The following SLC36A2 variants were observed in gnomAD, a reference collection of about 807,000 sequenced individuals.
The protein encoded by SLC36A2 is solute carrier family 36 member 2, also known as proton-coupled amino acid transporter 2.
In SLC36A2, 39 loss-of-function variants were observed where a neutral mutation model predicts 42.7. The observed-to-expected ratio is 0.91, with a 90% CI of 0.71 to 1.19. SLC36A2 has a LOEUF of 1.19. Ranked by LOEUF, SLC36A2 falls within the 50% of genes most tolerant of loss-of-function variation. SLC36A2 has a pLI of 0.00. For synonymous variants in SLC36A2, 237 were observed against 240.8 expected (o/e 0.98, Z 0.15); for missense variants, 590 against 613.7 (o/e 0.96, Z 0.41).
intron 1 of SLC36A2, among the ~76,000 whole-genome samples, chr5:151,347,076 C>T (rs1756516159): frequency 6.6e-6 from 1 of 152,212 alleles, no homozygotes; most frequent in Admixed American, 6.5e-5. Context: ...TCAGTTTCCC[C>T]ACCTGTGCCT....
At chr5:151,327,067 G>A (rs189764371) in intron 7 of SLC36A2, among the ~76,000 whole-genome samples, 3 of 152,082 alleles carry the variant, frequency 2.0e-5, no homozygotes, top group East Asian at 3.9e-4. Context: ...CTCCCACATC[G>A]GCCTCCCAAA....
intron 9 of SLC36A2, among the ~76,000 whole-genome samples, chr5:151,317,587 G>A (rs1486877642): frequency 6.6e-6 from 1 of 151,988 alleles, no homozygotes; most frequent in Non-Finnish European, 1.5e-5. Flanking sequence ...TAAAAATTCA[G>A]CCAGGCATAG....
chr5:151,343,081 A>G (rs1561662472), intron 3 of SLC36A2, 98 bp from the exon 4 acceptor site: 1 of 932,096 alleles, frequency 1.1e-6, no homozygotes, highest in Non-Finnish European at 1.7e-6. Flanking sequence ...GGACACAGCT[A>G]AAGAGCAGAA....
Position 151,317,057 on chromosome 5 carries a change from G to A in SLC36A2, c.1212C>T (p.Asp404=). ...CLLAILIPRL[D]LVISLVGSVS... ...CGGAGCCCACCAGGGAGATGACCAG[G>A]TCCAGGCGGGGGATGAGGATGGCCA... Residue 404 remains aspartate (D), a synonymous_variant, in exon 10 of 10, where the codon GAC becomes GAT. Coordinates refer to ENST00000335244, the MANE Select transcript of SLC36A2 (RefSeq NM_181776.3). 6.2e-7 allele frequency: 1 copy of A among 1,614,144 alleles called. No individual in the cohort carries two copies. Among genetic ancestry groups the A allele is most frequent in the Non-Finnish European group, 8.5e-7 (1 of 1,180,024 alleles).
chr5:151,334,851 C>T (rs1756101598), intron 6 of SLC36A2, among the ~76,000 whole-genome samples: 1 of 151,702 alleles, frequency 6.6e-6, no homozygotes, highest in Admixed American at 6.6e-5. Context: ...AGTAACAAGA[C>T]ACTTATTGAA....
intron 8 of SLC36A2, among the ~76,000 whole-genome samples, chr5:151,324,958 C>T (rs573574256): frequency 2.4e-3 from 364 of 152,312 alleles, no homozygotes; most frequent in African/African-American, 8.6e-3. Context: ...GTGGCCACCT[C>T]CCGACTCCTC....
chr5:151,323,797 A>C (rs760290449), intron 8 of SLC36A2, among the ~76,000 whole-genome samples: 1 of 152,218 alleles, frequency 6.6e-6, no homozygotes, highest in Non-Finnish European at 1.5e-5. Flanking sequence ...CGGCGAAGAT[A>C]GTGAACCTCC....
chr5:151,343,808 A>T (rs1315819479), intron 2 of SLC36A2, among the ~76,000 whole-genome samples: 1 of 152,160 alleles, frequency 6.6e-6, no homozygotes, highest in Admixed American at 6.5e-5. Flanking sequence ...AGCAATTACA[A>T]TGGGGTATAC....
chr5:151,340,789 G>A (rs954330443), intron 4 of SLC36A2, among the ~76,000 whole-genome samples: 1 of 152,182 alleles, frequency 6.6e-6, no homozygotes, highest in Non-Finnish European at 1.5e-5. Context: ...GGTGGCCTGT[G>A]AAAGAGGTGT....
chr5:151,340,069 A>C (rs1280699028), intron 4 of SLC36A2, among the ~76,000 whole-genome samples: 1 of 151,892 alleles, frequency 6.6e-6, no homozygotes, highest in Non-Finnish European at 1.5e-5. Context: ...AGAGAGAGAA[A>C]AAGAAGAAAA....
chr5:151,336,479 T>C (rs1223714337), intron 5 of SLC36A2, among the ~76,000 whole-genome samples: 3 of 135,354 alleles, frequency 2.2e-5, no homozygotes, highest in Admixed American at 2.1e-4. Context: ...TTTTTTTTTT[T>C]TGCGTATAAT....
chr5:151,334,563 T>C (rs914629613), intron 6 of SLC36A2, among the ~76,000 whole-genome samples: 4 of 152,038 alleles, frequency 2.6e-5, no homozygotes, highest in Non-Finnish European at 5.9e-5. Context: ...TGGTGGCTGG[T>C]GCCTGTAGTC....
At position 151,316,865 on chromosome 5, in the gene SLC36A2, C is replaced by A; in HGVS notation, c.1404G>T (p.Lys468Asn). 6.2e-7 allele frequency: 1 copy of A among 1,613,578 alleles called. No homozygotes were observed. The highest frequency in any genetic ancestry group is 1.1e-5 in the South Asian group (1 of 91,058). Residue 468 changes from lysine to asparagine, a missense_variant, in exon 10 of 10, where the codon AAG becomes AAT. Coordinates refer to ENST00000335244, the MANE Select transcript of SLC36A2 (RefSeq NM_181776.3). ...TGGAAAAGGGGTGAGAGTCTTCTGA[C>A]TTGAGCAGCTCGTCCAGGGCCTGGT... is the stretch of plus-strand genomic sequence containing the variant. ...GTYQALDELLKSEDSHPFSNS... is the reference protein window; with the variant it reads ...GTYQALDELLNSEDSHPFSNS...
rs1238042366 is a variant in SLC36A2, at chr5:151,332,563, A to G, written c.843+661T>C. 9 of 385,094 alleles carry G rather than the reference A, an allele frequency of 2.3e-5. No individual in the cohort carries two copies. In the East Asian group the frequency reaches 6.0e-4, roughly 26 times the overall value. 23.9% of individuals were successfully genotyped at this position (385,094 alleles called of 1,614,324 possible). A position where few individuals can be genotyped will look rare whatever the true frequency, so the allele number is the denominator to read the frequency against. On this transcript the variant is annotated intron_variant, in intron 7 of 9. Transcript: ENST00000335244. ...GCAAGGTGTTATTGATGTGTGCAAC[A>G]GCATGGACGAATTTAAAATGCATTA...
intron 6 of SLC36A2, among the ~76,000 whole-genome samples, chr5:151,333,526 G>C (rs1756056073): frequency 6.6e-6 from 1 of 152,038 alleles, no homozygotes; most frequent in South Asian, 2.1e-4. Context: ...TATTGTCAAA[G>C]TACTGAAGGA....
At chr5:151,329,528 T>C (rs1755939649) in intron 7 of SLC36A2, among the ~76,000 whole-genome samples, 1 of 152,188 alleles carries the variant, frequency 6.6e-6, no homozygotes, top group African/African-American at 2.4e-5. Flanking sequence ...GCAGGTAATA[T>C]AACCGTACTC....
intron 3 of SLC36A2, 124 bp from the exon 4 acceptor site, chr5:151,343,107 A>G (rs1342179143): frequency 1.3e-6 from 1 of 795,016 alleles, no homozygotes; most frequent in Non-Finnish European, 2.2e-6. Context: ...ACAGGGGCAG[A>G]GACCTCGGGC....
chr5:151,334,060 G>A (rs1756077212), intron 6 of SLC36A2, among the ~76,000 whole-genome samples: 1 of 152,094 alleles, frequency 6.6e-6, no homozygotes, highest in Non-Finnish European at 1.5e-5. Flanking sequence ...AGAAGACTGT[G>A]TAGAATAAAT....
At chr5:151,328,999 G>A (rs1755922832) in intron 7 of SLC36A2, among the ~76,000 whole-genome samples, 1 of 152,214 alleles carries the variant, frequency 6.6e-6, no homozygotes, top group African/African-American at 2.4e-5. Flanking sequence ...CTAGCCAGAG[G>A]ATGGGAAAAA....
Sources: allele counts gnomAD v4.1 joint callset (sites outside exome capture counted in the v4.1 genomes callset), GRCh38; gene constraint gnomAD v4.1.1; transcripts MANE v1.5; gene names NCBI Gene and HGNC (gene_info 2026-07-23, HGNC 2026-07-21).